NBDY: variants seen among roughly 807,000 people sequenced by gnomAD.
NBDY encodes P-body dissociating protein.
intron 2 of NBDY, among the ~76,000 whole-genome samples, chrX:56,790,610 C>T (rs1191836053): frequency 2.7e-5 from 3 of 112,436 alleles, no homozygotes; most frequent in Admixed American, 9.4e-5. Context: ...GATCTGACTG[C>T]GTCTTTAGGA....
At chrX:56,740,709 GT>G (rs2069527976) in intron 2 of NBDY, among the ~76,000 whole-genome samples, 1 of 110,015 alleles carries the variant, frequency 9.1e-6, no homozygotes. Flanking sequence ...AATTTTTTTT[GT>G]TTGCTGGGTC....
At chrX:56,747,569 A>G (rs1355021536) in intron 2 of NBDY, among the ~76,000 whole-genome samples, 1 of 111,921 alleles carries the variant, frequency 8.9e-6, no homozygotes, top group Non-Finnish European at 1.9e-5. Context: ...GCTGAAGCAT[A>G]AACATGAAGA....
chrX:56,745,888 C>T (rs2069555339), intron 2 of NBDY, among the ~76,000 whole-genome samples: 1 of 111,322 alleles, frequency 9.0e-6, no homozygotes, highest in African/African-American at 3.3e-5. Context: ...ATGTTCTGTC[C>T]TTCTTAGGCA....
At chrX:56,758,319 A>G (rs5028965) in intron 2 of NBDY, among the ~76,000 whole-genome samples, 10,383 of 63,951 alleles carry the variant, frequency 0.16, 575 homozygotes, top group Non-Finnish European at 0.31. Flanking sequence ...CTGTCTCGAA[A>G]AAAAAAAAAA....
chrX:56,804,057 A>C (rs1396712089), intron 2 of NBDY, among the ~76,000 whole-genome samples: 1 of 110,238 alleles, frequency 9.1e-6, no homozygotes, highest in African/African-American at 3.3e-5. Flanking sequence ...ACTGGGGGCA[A>C]TGTGAAGGGG....
chrX:56,801,946 ACACT>A (rs1209807586), intron 2 of NBDY, among the ~76,000 whole-genome samples: 1 of 104,925 alleles, frequency 9.5e-6, no homozygotes, highest in African/African-American at 3.5e-5. Context: ...ACAAAGACAT[ACACT>A]AACACATGCA....
At chrX:56,743,880 T>A (rs953236966) in intron 2 of NBDY, among the ~76,000 whole-genome samples, 1 of 111,204 alleles carries the variant, frequency 9.0e-6, no homozygotes. Context: ...TATTGGTTTC[T>A]TTATTTTAAG....
In NBDY at chrX:56,818,467, A is replaced by G. The variant is rs1364778867; in HGVS notation, c.*1314A>G. ...AGACAGTTATTTTAAAGATTGTATA[A>G]TATTACTAATCACACATTAGAGTTT... On this transcript the variant is annotated 3_prime_UTR_variant, in exon 3 of 3. Coordinates refer to ENST00000374922, the MANE Select transcript of NBDY (RefSeq NM_001348129.2). 1 of 112,039 alleles carries G rather than the reference A, an allele frequency of 8.9e-6. No homozygotes were observed. Among genetic ancestry groups the G allele is most frequent in the Non-Finnish European group, 1.9e-5 (1 of 53,171 alleles). 9.2% of individuals were successfully genotyped at this position (112,039 alleles called of 1,213,427 possible).
intron 2 of NBDY, among the ~76,000 whole-genome samples, chrX:56,762,616 C>A (rs1400908848): frequency 1.8e-5 from 2 of 111,013 alleles, no homozygotes; most frequent in Admixed American, 1.9e-4. Context: ...CTACCTTGTT[C>A]TCCTTGAAGA....
intron 2 of NBDY, among the ~76,000 whole-genome samples, chrX:56,812,156 C>T (rs751402171): frequency 2.8e-4 from 31 of 109,507 alleles, no homozygotes; most frequent in African/African-American, 9.6e-4. Flanking sequence ...TCTTCTGCAT[C>T]GATCTCGCTG....
intron 2 of NBDY, among the ~76,000 whole-genome samples, chrX:56,811,757 G>A (rs191828792): frequency 8.9e-6 from 1 of 111,760 alleles, no homozygotes; most frequent in African/African-American, 3.3e-5. Context: ...CTTTCCAAGG[G>A]AGTGAATGGT....
intron 2 of NBDY, among the ~76,000 whole-genome samples, chrX:56,754,696 T>C (rs753702000): frequency 9.0e-6 from 1 of 111,303 alleles, no homozygotes; most frequent in Non-Finnish European, 1.9e-5. Context: ...GTAAGATCAG[T>C]GCTCAGAGGG....
intron 2 of NBDY, among the ~76,000 whole-genome samples, chrX:56,765,218 G>A (rs967345745): frequency 2.7e-5 from 3 of 112,041 alleles, no homozygotes; most frequent in Non-Finnish European, 3.8e-5. Flanking sequence ...AGAAATTGGC[G>A]TTTCCCTCTC....
At chrX:56,781,641 G>T (rs965304711) in intron 2 of NBDY, among the ~76,000 whole-genome samples, 4 of 111,500 alleles carry the variant, frequency 3.6e-5, no homozygotes, top group Non-Finnish European at 7.5e-5. Context: ...CTTCTTCACT[G>T]TCTTTACTTT....
intron 2 of NBDY, among the ~76,000 whole-genome samples, chrX:56,738,570 C>T (rs942624360): frequency 1.8e-5 from 2 of 111,899 alleles, no homozygotes; most frequent in Admixed American, 9.5e-5. Flanking sequence ...TTCCCGCAAC[C>T]TCTCTCTTTA....
chrX:56,749,703 G>A (rs1168455256), intron 2 of NBDY, among the ~76,000 whole-genome samples: 1 of 106,460 alleles, frequency 9.4e-6, no homozygotes. Flanking sequence ...CCAGGCTCGA[G>A]TAGAGTGTCA....
At chrX:56,735,538 TCA>T (rs2069483938) in intron 2 of NBDY, among the ~76,000 whole-genome samples, 1 of 111,836 alleles carries the variant, frequency 8.9e-6, no homozygotes, top group East Asian at 2.8e-4. Flanking sequence ...TTAACAGCAT[TCA>T]TAAGCATGGT....
chrX:56,738,748 G>A (rs1426095072), intron 2 of NBDY, among the ~76,000 whole-genome samples: 1 of 111,677 alleles, frequency 9.0e-6, no homozygotes, highest in Non-Finnish European at 1.9e-5. Flanking sequence ...CTGGCATGTG[G>A]ATGAGTTATT....
chrX:56,797,182 C>T (rs2069796671), intron 2 of NBDY, among the ~76,000 whole-genome samples: 1 of 103,886 alleles, frequency 9.6e-6, no homozygotes, highest in South Asian at 4.7e-4. Context: ...TCCTCTTCCT[C>T]TTCTTCTCTC....
Sources: allele counts gnomAD v4.1 joint callset (sites outside exome capture counted in the v4.1 genomes callset), GRCh38; gene constraint gnomAD v4.1.1; transcripts MANE v1.5; gene names NCBI Gene and HGNC (gene_info 2026-07-23, HGNC 2026-07-21).